Variants in MAF observed in about 807,000 individuals in gnomAD.
MAF encodes the protein MAF bZIP transcription factor.
A neutral mutation model predicts 22.0 loss-of-function variants in MAF; 10 were observed. The ratio of observed to expected loss-of-function variants is 0.45; its 90% CI spans 0.28 to 0.77. The LOEUF (loss-of-function observed/expected upper bound fraction) is 0.77, where lower values mean the gene tolerates loss of function less well. Ranked by LOEUF, MAF falls within the 30% of genes least tolerant of loss-of-function variation. The pLI is 0.12. For synonymous variants in MAF, 337 were observed against 255.8 expected, an observed-to-expected ratio of 1.32 and a Z score of -3.03; for missense variants, 544 against 548.4, an observed-to-expected ratio of 0.99 and a Z score of 0.08.
rs2143809373 is a variant in MAF, at chr16:79,599,355, T to G, written c.548A>C (p.His183Pro). 1.0e-6 allele frequency: 1 copy of G among 991,982 alleles called. No individual in the cohort carries two copies. Among genetic ancestry groups the G allele is most frequent in the Non-Finnish European group, 1.2e-6 (1 of 836,740 alleles). 61.4% of individuals were successfully genotyped at this position (991,982 alleles called of 1,614,324 possible). ...GTGGCCGGCGGCGTGGTGGTGGTGG[T>G]GGTGGTAGTGCGGGCCCGCGCCGCT... ...AQSGAGPHYH[H>P]HHHHAAGHHH... Residue 183 changes from histidine (H) to proline (P), a missense_variant, in exon 1 of 2, where the codon CAC becomes CCC. His to Pro is a moderately conservative substitution (Grantham distance 77). Transcript: ENST00000326043.
chr16:79,289,867 T>TTTTTTTTC, the MAF span, among the ~76,000 whole-genome samples: 156 of 118,528 alleles, frequency 1.3e-3, 5 homozygotes, highest in African/African-American at 4.6e-3. Flanking sequence ...TTTTTTTTTT[T>TTTTTTTTC]TGTGAGACGG....
chr16:79,391,060 GTT>G, the MAF span, among the ~76,000 whole-genome samples: 1 of 152,142 alleles, frequency 6.6e-6, no homozygotes, highest in South Asian at 2.1e-4. Flanking sequence ...ACCACTTGCT[GTT>G]ATCTGTGGGC....
At chr16:79,209,429 G>A in the MAF span, among the ~76,000 whole-genome samples, 1 of 152,302 alleles carries the variant, frequency 6.6e-6, no homozygotes, top group South Asian at 2.1e-4. Context: ...GACTGCTTTG[G>A]TCTTTCCTCA....
the MAF span, among the ~76,000 whole-genome samples, chr16:79,221,894 G>A: frequency 6.6e-6 from 1 of 152,088 alleles, no homozygotes; most frequent in Non-Finnish European, 1.5e-5. Flanking sequence ...TTGAACACAG[G>A]CCACTGCTTT....
At chr16:79,264,895 C>T in the MAF span, among the ~76,000 whole-genome samples, 2 of 152,100 alleles carry the variant, frequency 1.3e-5, no homozygotes, top group Non-Finnish European at 2.9e-5. Flanking sequence ...TAATTCAGTA[C>T]CAAATTCTCA....
chr16:79,271,707 C>G, the MAF span, among the ~76,000 whole-genome samples: 1 of 152,206 alleles, frequency 6.6e-6, no homozygotes. Flanking sequence ...TTGTTCCAAA[C>G]ATGATTTGGA....
At chr16:79,349,566 C>T in the MAF span, among the ~76,000 whole-genome samples, 1 of 152,188 alleles carries the variant, frequency 6.6e-6, no homozygotes, top group Non-Finnish European at 1.5e-5. Flanking sequence ...TGACCTGGGT[C>T]TGCTCAGGAA....
At chr16:79,479,512 T>C in the MAF span, among the ~76,000 whole-genome samples, 1 of 152,198 alleles carries the variant, frequency 6.6e-6, no homozygotes, top group East Asian at 1.9e-4. Flanking sequence ...GGCGGGGCCA[T>C]CACTGCAAGC....
intron 1 of MAF, chr16:79,598,444 G>A: frequency 8.1e-7 from 1 of 1,239,376 alleles, no homozygotes; most frequent in Non-Finnish European, 1.0e-6. Flanking sequence ...CGGGGGTGGG[G>A]CGGGGGGGTG....
chr16:79,363,367 C>A, the MAF span, among the ~76,000 whole-genome samples: 1 of 152,186 alleles, frequency 6.6e-6, no homozygotes, highest in Non-Finnish European at 1.5e-5. Context: ...ACTTAGCAGA[C>A]ATCATAGCTT....
chr16:79,417,078 T>C, the MAF span, among the ~76,000 whole-genome samples: 1 of 152,200 alleles, frequency 6.6e-6, no homozygotes, highest in Admixed American at 6.5e-5. Flanking sequence ...GGAAAGGGTA[T>C]TTTTTATGCC....
chr16:79,364,683 T>C, the MAF span, among the ~76,000 whole-genome samples: 4 of 152,188 alleles, frequency 2.6e-5, no homozygotes, highest in Non-Finnish European at 5.9e-5. Flanking sequence ...ATATGTGCCA[T>C]TCTGAGAGCA....
the MAF span, among the ~76,000 whole-genome samples, chr16:79,404,159 A>ATTTTT: frequency 2.5e-5 from 3 of 119,948 alleles, no homozygotes; most frequent in African/African-American, 7.0e-5. Flanking sequence ...TACCGTCTGG[A>ATTTTT]TTTTCTTTTT....
At chr16:79,309,723 T>C in the MAF span, among the ~76,000 whole-genome samples, 1 of 152,144 alleles carries the variant, frequency 6.6e-6, no homozygotes, top group East Asian at 1.9e-4. Flanking sequence ...CCACCATAAA[T>C]TACGAGGTGG....
chr16:79,374,881 T>A, the MAF span, among the ~76,000 whole-genome samples: 1 of 152,102 alleles, frequency 6.6e-6, no homozygotes, highest in African/African-American at 2.4e-5. Flanking sequence ...ACAGTCAGGG[T>A]GGGGTATGAA....
the MAF span, among the ~76,000 whole-genome samples, chr16:79,217,666 G>C: frequency 6.6e-6 from 1 of 152,154 alleles, no homozygotes; most frequent in East Asian, 1.9e-4. Flanking sequence ...CTCTGCAGTC[G>C]TTTTCTTCCA....
the MAF span, among the ~76,000 whole-genome samples, chr16:79,468,935 C>T: frequency 6.6e-6 from 1 of 152,120 alleles, no homozygotes; most frequent in African/African-American, 2.4e-5. Context: ...ATCGTGGGCT[C>T]ACACTTCCTT....
chr16:79,230,259 G>C, the MAF span, among the ~76,000 whole-genome samples: 4 of 152,082 alleles, frequency 2.6e-5, no homozygotes, highest in African/African-American at 7.2e-5. Context: ...TGGCATTCTG[G>C]GTTCTGACCT....
chr16:79,560,933 T>G, the MAF span, among the ~76,000 whole-genome samples: 717 of 152,354 alleles, frequency 4.7e-3, 6 homozygotes, highest in African/African-American at 0.016. Flanking sequence ...TAGGTCTTTT[T>G]GGTTCTCAAC....
Sources: gnomAD v4.1 joint callset for allele counts (sites outside exome capture counted in the v4.1 genomes callset) on GRCh38, gnomAD v4.1.1 for gene constraint, MANE v1.5 for transcripts, NCBI Gene and HGNC (gene_info 2026-07-23, HGNC 2026-07-21) for gene names.